CTNNA1: variants seen among roughly 807,000 people sequenced by gnomAD.
The protein encoded by CTNNA1 is catenin alpha-1.
CTNNA1 carries 37 observed loss-of-function variants against 98.4 expected under a neutral mutation model. That is an observed-to-expected ratio of 0.38 (90% confidence interval 0.29 to 0.49). CTNNA1 has a LOEUF of 0.49. CTNNA1 is among the 20% of genes least tolerant of loss of function. The probability of loss-of-function intolerance (pLI) is 0.95; values close to 1 mark genes in which losing one functional copy is unlikely to be tolerated. For synonymous variants in CTNNA1, 404 were observed against 413.2 expected (o/e 0.98, Z 0.27); for missense variants, 761 against 1,147.2 (o/e 0.66, Z 4.86).
intron 11 of CTNNA1, among the ~76,000 whole-genome samples, chr5:138,921,260 T>C (rs1389532252): frequency 1.3e-5 from 2 of 152,268 alleles, no homozygotes; most frequent in Non-Finnish European, 2.9e-5. Context: ...GTTATTGATT[T>C]CCATTCTCTG....
chr5:138,802,629 T>A (rs1178377912), intron 3 of CTNNA1, among the ~76,000 whole-genome samples: 1 of 152,208 alleles, frequency 6.6e-6, no homozygotes, highest in Non-Finnish European at 1.5e-5. Context: ...TGTTTCAGCT[T>A]GTATGGTCAT....
chr5:138,785,547 A>G (rs1169282580), intron 3 of CTNNA1, among the ~76,000 whole-genome samples: 1 of 151,734 alleles, frequency 6.6e-6, no homozygotes, highest in Non-Finnish European at 1.5e-5. Flanking sequence ...GGCTCTAGTG[A>G]CTGACGTTTC....
intron 3 of CTNNA1, among the ~76,000 whole-genome samples, chr5:138,789,695 A>C (rs967609516): frequency 1.3e-5 from 2 of 152,082 alleles, no homozygotes; most frequent in Non-Finnish European, 2.9e-5. Flanking sequence ...TGACCTCGTG[A>C]TTCACCCACC....
chr5:138,851,766 T>A (rs886219871), intron 7 of CTNNA1, among the ~76,000 whole-genome samples: 6 of 130,998 alleles, frequency 4.6e-5, no homozygotes, highest in African/African-American at 1.8e-4. Flanking sequence ...TCAAAATAAA[T>A]AAATAAAGGC....
At chr5:138,885,510 T>A (rs144126619) in intron 7 of CTNNA1, among the ~76,000 whole-genome samples, 1 of 152,324 alleles carries the variant, frequency 6.6e-6, no homozygotes, top group African/African-American at 2.4e-5. Flanking sequence ...TTTTATTCCA[T>A]TTGATTCTGC....
intron 7 of CTNNA1, among the ~76,000 whole-genome samples, chr5:138,866,183 G>A (rs1182737481): frequency 2.6e-5 from 4 of 152,014 alleles, no homozygotes; most frequent in South Asian, 2.1e-4. Flanking sequence ...TCATAACCCG[G>A]TCTGGAAATA....
chr5:138,903,962 A>G (rs1758631348), intron 9 of CTNNA1, among the ~76,000 whole-genome samples: 2 of 152,144 alleles, frequency 1.3e-5, no homozygotes, highest in Non-Finnish European at 2.9e-5. Context: ...TGCAAAACAC[A>G]TTTTTGAGGA....
chr5:138,854,371 C>T (rs974071367), intron 7 of CTNNA1, among the ~76,000 whole-genome samples: 1 of 152,140 alleles, frequency 6.6e-6, no homozygotes, highest in African/African-American at 2.4e-5. Context: ...ATGGCTTTCT[C>T]TTTGAAATAA....
At chr5:138,860,999 G>A (rs1455833144) in intron 7 of CTNNA1, among the ~76,000 whole-genome samples, 2 of 152,048 alleles carry the variant, frequency 1.3e-5, no homozygotes, top group Non-Finnish European at 2.9e-5. Context: ...TAGAGAGGTA[G>A]CGCTGTCAAG....
intron 7 of CTNNA1, among the ~76,000 whole-genome samples, chr5:138,877,197 G>A (rs944404296): frequency 1.4e-4 from 21 of 152,146 alleles, no homozygotes; most frequent in Admixed American, 8.5e-4. Context: ...GTTTAGACCC[G>A]GGGAATGCTA....
chr5:138,767,219 G>A (rs991215336), intron 1 of CTNNA1, among the ~76,000 whole-genome samples: 2 of 152,036 alleles, frequency 1.3e-5, no homozygotes, highest in East Asian at 3.9e-4. Context: ...GTATTTTTTA[G>A]TAGAGACAGG....
intron 3 of CTNNA1, among the ~76,000 whole-genome samples, chr5:138,786,510 C>CTT (rs1438110857): frequency 6.6e-6 from 1 of 152,060 alleles, no homozygotes; most frequent in African/African-American, 2.4e-5. Context: ...GAGCCTAACC[C>CTT]TTGAACATGG....
At chr5:138,843,410 A>G (rs1389209990) in intron 7 of CTNNA1, among the ~76,000 whole-genome samples, 1 of 152,114 alleles carries the variant, frequency 6.6e-6, no homozygotes, top group Non-Finnish European at 1.5e-5. Context: ...AGTCCTTGCC[A>G]TATGTACACC....
chr5:138,922,851 C>T (rs1763196610), intron 11 of CTNNA1, among the ~76,000 whole-genome samples: 2 of 146,956 alleles, frequency 1.4e-5, no homozygotes, highest in Non-Finnish European at 3.0e-5. Context: ...GAATATTACT[C>T]TAAAAAATGG....
In CTNNA1 at chr5:138,844,848, A is replaced by G. The variant is rs74411452; in HGVS notation, c.1062+17130A>G. On this transcript the variant is annotated intron_variant, in intron 7 of 17. Transcript: ENST00000302763. Reference sequence around the variant, plus strand: ...CTGGGGAGTGGGCTAAGGTTAAAACAAAGATTTAGAGTCAAAAATTAATTA... The same window carrying G: ...CTGGGGAGTGGGCTAAGGTTAAAACGAAGATTTAGAGTCAAAAATTAATTA... Among the ~76,000 whole-genome samples, 45 of 152,338 alleles carry G rather than the reference A, an allele frequency of 3.0e-4. No individual in the cohort carries two copies. In the East Asian group the frequency reaches 7.7e-3, roughly 26 times the overall value.
intron 3 of CTNNA1, among the ~76,000 whole-genome samples, chr5:138,806,725 G>C (rs1758118330): frequency 6.6e-6 from 1 of 151,864 alleles, no homozygotes; most frequent in Non-Finnish European, 1.5e-5. Flanking sequence ...ATTCAGACTA[G>C]ATATTATGCC....
chr5:138,860,443 T>G (rs1276977394), intron 7 of CTNNA1, among the ~76,000 whole-genome samples: 1 of 152,238 alleles, frequency 6.6e-6, no homozygotes, highest in Non-Finnish European at 1.5e-5. Flanking sequence ...TGCTGTTAGA[T>G]TTTCATGTGG....
At position 138,827,512 on chromosome 5, in the gene CTNNA1, C is replaced by T. The variant is rs1424398830; in HGVS notation, c.859-3C>T. 1.9e-6 allele frequency: 3 copies of T among 1,614,078 alleles called. No individual in the cohort carries two copies. Among genetic ancestry groups the T allele is most frequent in the African/African-American group, 2.7e-5 (2 of 75,078 alleles). Reference sequence around the variant, plus strand: ...CTAACATTCGGTAATACTTTCTCTGCAGAAACAAATCATTGTGGACCCCTT... The same window carrying T: ...CTAACATTCGGTAATACTTTCTCTGTAGAAACAAATCATTGTGGACCCCTT... On this transcript the variant is annotated splice_polypyrimidine_tract_variant and splice_region_variant and intron_variant, in intron 6 of 17. Coordinates refer to ENST00000302763, the MANE Select transcript of CTNNA1 (RefSeq NM_001903.5).
At chr5:138,883,589 T>A (rs1423585182) in intron 7 of CTNNA1, among the ~76,000 whole-genome samples, 1 of 152,188 alleles carries the variant, frequency 6.6e-6, no homozygotes, top group African/African-American at 2.4e-5. Context: ...ACAGTAAATC[T>A]TTTTACTCAA....
Sources: gnomAD v4.1 joint callset for allele counts (sites outside exome capture counted in the v4.1 genomes callset) on GRCh38, gnomAD v4.1.1 for gene constraint, MANE v1.5 for transcripts, NCBI Gene and HGNC (gene_info 2026-07-23, HGNC 2026-07-21) for gene names.